AKAP6: variants seen among roughly 807,000 people sequenced by gnomAD.
AKAP6 encodes A-kinase anchor protein 6.
Under a neutral mutation model 188.5 loss-of-function variants are expected in AKAP6, and 58 were observed. The ratio of observed to expected loss-of-function variants is 0.31; its 90% CI spans 0.25 to 0.38. The LOEUF (loss-of-function observed/expected upper bound fraction) is 0.38, where lower values mean the gene tolerates loss of function less well. AKAP6 is among the 10% of genes least tolerant of loss of function. AKAP6 has a pLI of 1.00. For missense variants in AKAP6, 2,710 were observed against 2,740.0 expected, an observed-to-expected ratio of 0.99 and a Z score of 0.24; for synonymous variants, 989 against 998.6, an observed-to-expected ratio of 0.99 and a Z score of 0.18.
chr14:32,409,701 CT>C (rs1438768975), intron 1 of AKAP6, among the ~76,000 whole-genome samples: 1 of 152,120 alleles, frequency 6.6e-6, no homozygotes, highest in Non-Finnish European at 1.5e-5. Context: ...GATTTTCTTC[CT>C]CTTCTAATTT....
chr14:32,363,093 C>G (rs1280990605), intron 1 of AKAP6, among the ~76,000 whole-genome samples: 2 of 152,184 alleles, frequency 1.3e-5, no homozygotes, highest in Non-Finnish European at 2.9e-5. Context: ...ACAGAATTTA[C>G]TGCCCTAATG....
At chr14:32,530,606 G>C (rs36116377) in intron 2 of AKAP6, among the ~76,000 whole-genome samples, 37,599 of 152,006 alleles carry the variant, frequency 0.25, 5,200 homozygotes, top group East Asian at 0.39. Flanking sequence ...ATGGCCTCAT[G>C]ATGAGGCAGC....
intron 11 of AKAP6, among the ~76,000 whole-genome samples, chr14:32,745,642 G>C (rs1018184020): frequency 2.0e-5 from 3 of 151,922 alleles, no homozygotes; most frequent in Non-Finnish European, 2.9e-5. Flanking sequence ...ACTGGGTCCC[G>C]CCCAAGGCCT....
Position 32,545,998 on chromosome 14 carries a change from CCTT to C in AKAP6, c.1348_1350del (p.Ser450del). On this transcript the variant is annotated inframe_deletion, in exon 4 of 14. Transcript: ENST00000280979. ...ATTGCAGTCTTCTTACCCCAACAGC[CCTT>C]CTGCTGCCAGCCAGTCTTATGAGTG... 1 of 1,614,144 alleles carries C rather than the reference CCTT, an allele frequency of 6.2e-7. No individual in the cohort carries two copies. Among genetic ancestry groups the C allele is most frequent in the Non-Finnish European group, 8.5e-7 (1 of 1,180,030 alleles).
chr14:32,670,479 G>A (rs1206894299), intron 7 of AKAP6, among the ~76,000 whole-genome samples: 1 of 152,164 alleles, frequency 6.6e-6, no homozygotes, highest in Non-Finnish European at 1.5e-5. Context: ...AAGTATTTTT[G>A]TAAGGAAGCA....
chr14:32,667,367 C>T (rs1213339975), intron 7 of AKAP6, among the ~76,000 whole-genome samples: 1 of 152,016 alleles, frequency 6.6e-6, no homozygotes, highest in East Asian at 1.9e-4. Context: ...TCCCTACTGA[C>T]ACACTGTTAT....
chr14:32,714,145 G>A (rs1027179242), intron 9 of AKAP6, among the ~76,000 whole-genome samples: 3 of 151,986 alleles, frequency 2.0e-5, no homozygotes, highest in Non-Finnish European at 2.9e-5. Flanking sequence ...AACATACACA[G>A]CACTTACGGA....
At chr14:32,809,696 G>T (rs1291010008) in intron 12 of AKAP6, among the ~76,000 whole-genome samples, 1 of 152,120 alleles carries the variant, frequency 6.6e-6, no homozygotes, top group Non-Finnish European at 1.5e-5. Flanking sequence ...AATTTGGTGG[G>T]GTTGGGAGCA....
At chr14:32,492,272 C>T (rs1412720303) in intron 2 of AKAP6, among the ~76,000 whole-genome samples, 2 of 149,954 alleles carry the variant, frequency 1.3e-5, no homozygotes, top group African/African-American at 4.9e-5. Flanking sequence ...TTAGGTGTCC[C>T]TCCTCTTTTT....
At chr14:32,756,069 C>T (rs1026612475) in intron 11 of AKAP6, among the ~76,000 whole-genome samples, 1 of 152,154 alleles carries the variant, frequency 6.6e-6, no homozygotes, top group African/African-American at 2.4e-5. Context: ...GGCCTGCTAC[C>T]TGGGTCAGCA....
At position 32,590,554 on chromosome 14, in the gene AKAP6, A is replaced by G. The variant is rs116180584; in HGVS notation, c.2470-8856A>G. 4.4e-3 allele frequency among the ~76,000 whole-genome samples: 665 copies of G among 152,268 alleles called. 3 individuals are homozygous for G. The highest frequency in any genetic ancestry group is 0.013 in the African/African-American group (541 of 41,532). On this transcript the variant is annotated intron_variant, in intron 5 of 13. Coordinates refer to ENST00000280979, the MANE Select transcript of AKAP6 (RefSeq NM_004274.5). The stretch of plus-strand genomic sequence containing the variant: ...CACTGTGGGCAACAGATTCTAACAA[A>G]TGTTATAAATCATCAAACGATAACT...
Position 32,824,631 on chromosome 14 carries a change from C to A in AKAP6, c.6818C>A (p.Ala2273Asp). ...GMPEEHNAASAKSKVQDLSLK... is the reference protein window; with the variant it reads ...GMPEEHNAASDKSKVQDLSLK... ...CCAGAAGAACATAATGCTGCTTCAG[C>A]CAAATCTAAAGTTCAAGACCTCTCC... The change falls in exon 13 of 14, where the codon GCC becomes GAC. Residue 2273 changes from alanine to aspartate, a missense_variant. Physicochemically the swap from Ala to Asp is moderately radical, Grantham distance 126. Around this residue, in one of 2 missense-constraint regions of AKAP6, gnomAD observed 2,473 missense variants for 2,426.1 expected, o/e 1.02. Transcript: ENST00000280979. 6.2e-7 allele frequency: 1 copy of A among 1,613,858 alleles called. No homozygotes were observed. Among genetic ancestry groups the A allele is most frequent in the Non-Finnish European group, 8.5e-7 (1 of 1,179,904 alleles).
In AKAP6 at chr14:32,546,978, AGCC is replaced by A. The variant is rs1189708465; in HGVS notation, c.2326_2328del (p.Ala776del). The A allele has an allele frequency of 1.3e-6, 2 of 1,597,018 alleles. No individual in the cohort carries two copies. Among genetic ancestry groups the A allele is most frequent in the Non-Finnish European group, 1.7e-6 (2 of 1,177,254 alleles). ...ATATTCAGCACCAAGACAACTATGAAGCCATATGGGAAAAAATAGAGGTAAGGT... is the reference window on the plus strand; with the variant it reads ...ATATTCAGCACCAAGACAACTATGAAATATGGGAAAAAATAGAGGTAAGGT... On this transcript the variant is annotated inframe_deletion, in exon 4 of 14. Coordinates refer to ENST00000280979, the MANE Select transcript of AKAP6 (RefSeq NM_004274.5).
intron 7 of AKAP6, among the ~76,000 whole-genome samples, chr14:32,654,358 G>A (rs1403973483): frequency 6.6e-5 from 10 of 152,048 alleles, no homozygotes; most frequent in African/African-American, 2.4e-4. Flanking sequence ...CCTAGCGGAT[G>A]TTCTGTTGTG....
chr14:32,751,772 A>G (rs993077629), intron 11 of AKAP6, among the ~76,000 whole-genome samples: 2 of 151,790 alleles, frequency 1.3e-5, no homozygotes, highest in African/African-American at 4.8e-5. Context: ...TAATTTTGTA[A>G]TTCATTGTTT....
At chr14:32,426,175 T>C (rs556728829) in intron 1 of AKAP6, among the ~76,000 whole-genome samples, 9 of 152,184 alleles carry the variant, frequency 5.9e-5, no homozygotes, top group Admixed American at 1.3e-4. Context: ...ATCTTTCCTT[T>C]ACTCAGGATT....
chr14:32,712,154 A>C (rs2029904429), intron 9 of AKAP6, among the ~76,000 whole-genome samples: 1 of 152,022 alleles, frequency 6.6e-6, no homozygotes, highest in South Asian at 2.1e-4. Flanking sequence ...AGTCACGTGA[A>C]TCTTTTGGTT....
chr14:32,351,715 A>G (rs1011225129), intron 1 of AKAP6, among the ~76,000 whole-genome samples: 1 of 152,220 alleles, frequency 6.6e-6, no homozygotes, highest in South Asian at 2.1e-4. Flanking sequence ...GATGAATGCT[A>G]GCTAGCCGAA....
At chr14:32,540,986 A>G (rs1157893022) in intron 3 of AKAP6, among the ~76,000 whole-genome samples, 1 of 152,064 alleles carries the variant, frequency 6.6e-6, no homozygotes, top group African/African-American at 2.4e-5. Context: ...TGATGAGTGC[A>G]CCAAAATCTC....
Sources: allele counts gnomAD v4.1 joint callset (sites outside exome capture counted in the v4.1 genomes callset), GRCh38; gene constraint gnomAD v4.1.1; regional missense constraint gnomAD v4.1.1; transcripts MANE v1.5; gene names NCBI Gene and HGNC (gene_info 2026-07-23, HGNC 2026-07-21).